Variants in FNTA observed in about 807,000 individuals in gnomAD.
FNTA encodes protein farnesyltransferase/geranylgeranyltransferase type-1 subunit alpha.
A neutral mutation model predicts 55.2 loss-of-function variants in FNTA; 27 were observed. The ratio of observed to expected loss-of-function variants is 0.49; its 90% CI spans 0.36 to 0.67. The LOEUF (loss-of-function observed/expected upper bound fraction) is 0.67. Among genes scored for constraint, FNTA ranks in the 30% least tolerant of loss-of-function variants. The pLI, the probability that FNTA is intolerant of heterozygous loss-of-function variation, is 0.00. For synonymous variants in FNTA, 176 were observed against 170.7 expected (o/e 1.03, Z -0.24); for missense variants, 422 against 464.7 (o/e 0.91, Z 0.85).
intron 2 of FNTA, among the ~76,000 whole-genome samples, chr8:43,062,977 C>G (rs757611824): frequency 1.3e-5 from 2 of 152,140 alleles, no homozygotes; most frequent in Non-Finnish European, 2.9e-5. Context: ...GAGACAGGCT[C>G]TCACTATGTT....
intron 2 of FNTA, among the ~76,000 whole-genome samples, chr8:43,062,542 A>G (rs1343517912): frequency 6.6e-6 from 1 of 152,082 alleles, no homozygotes; most frequent in African/African-American, 2.4e-5. Context: ...TCGGCCTCCC[A>G]AGGTGCTGAG....
chr8:43,067,891 G>C (rs1346302353), intron 3 of FNTA, among the ~76,000 whole-genome samples: 1 of 151,552 alleles, frequency 6.6e-6, no homozygotes, highest in South Asian at 2.1e-4. Context: ...AGCTAGTTTT[G>C]TATTTTTGTT....
At chr8:43,064,800 T>C (rs1032365415) in intron 3 of FNTA, among the ~76,000 whole-genome samples, 17 of 151,888 alleles carry the variant, frequency 1.1e-4, no homozygotes, top group African/African-American at 3.1e-4. Flanking sequence ...TTAACTGTTA[T>C]TATTTTTTCA....
rs1811100745 is a variant in FNTA, at chr8:43,085,151, C to T, written c.1018-9C>T. 2 of 1,522,228 alleles carry T rather than the reference C, an allele frequency of 1.3e-6. No homozygotes were observed. The highest frequency in any genetic ancestry group is 2.1e-5 in the Admixed American group (1 of 47,104). 94.3% of individuals were successfully genotyped at this position (1,522,228 alleles called of 1,614,324 possible). On this transcript the variant is annotated splice_polypyrimidine_tract_variant and intron_variant, in intron 8 of 8. Coordinates refer to ENST00000302279, the MANE Select transcript of FNTA (RefSeq NM_002027.3). Reference sequence around the variant, plus strand: ...ACATATTACTTTAATTTTTATTTTTCATTTTCAGTTATGTGAAATCCTAGC... The same window carrying T: ...ACATATTACTTTAATTTTTATTTTTTATTTTCAGTTATGTGAAATCCTAGC...
rs184550948 is a variant in FNTA at position 43,083,638 on chromosome 8, C to T, written c.845+458C>T. Among the ~76,000 whole-genome samples, 418 of 152,318 alleles carry T rather than the reference C, an allele frequency of 2.7e-3. 1 individual carries two copies. Among genetic ancestry groups the T allele is most frequent in the Middle Eastern group, 0.02 (6 of 294 alleles). ...TTCACTTGCCTGGCCACTGACGTAA[C>T]TAAGCTCCTTGTTGAACATAAGAGG... On this transcript the variant is annotated intron_variant, in intron 7 of 8. Coordinates refer to ENST00000302279, the MANE Select transcript of FNTA (RefSeq NM_002027.3).
intron 3 of FNTA, among the ~76,000 whole-genome samples, chr8:43,065,541 A>ATCGTT (rs1810635823): frequency 7.5e-5 from 11 of 147,194 alleles, no homozygotes; most frequent in African/African-American, 3.0e-4. Flanking sequence ...GCCACTGTGC[A>ATCGTT]CGGCTGCTGA....
At chr8:43,080,481 C>G (rs1199258952) in intron 6 of FNTA, 1 of 152,098 alleles carries the variant, frequency 6.6e-6, no homozygotes. Context: ...CTATTGCATA[C>G]TAGACTACAA....
chr8:43,083,187 GGTT>G lies in FNTA; in HGVS notation c.845+11_845+13del. 6.4e-7 allele frequency: 1 copy of G among 1,565,116 alleles called. No homozygotes were observed. The highest frequency in any genetic ancestry group is 2.3e-5 in the East Asian group (1 of 44,268). On this transcript the variant is annotated splice_region_variant and intron_variant, in intron 7 of 8. Transcript: ENST00000302279. ...CATGGAACTATTTGAAAGGGTAAGAGGTTGTTTTTGCTTTTTTTATATATAAAA... is the reference window on the plus strand; with the variant it reads ...CATGGAACTATTTGAAAGGGTAAGAGGTTTTTGCTTTTTTTATATATAAAA...
intron 5 of FNTA, 31 bp downstream of exon 5, chr8:43,072,338 A>ATT: frequency 1.3e-5 from 17 of 1,352,898 alleles, no homozygotes; most frequent in South Asian, 4.5e-5. Context: ...TGTTTTTCAG[A>ATT]TTTTTTTTTT....
intron 5 of FNTA, among the ~76,000 whole-genome samples, chr8:43,075,856 A>C (rs1342284243): frequency 6.6e-6 from 1 of 150,984 alleles, no homozygotes; most frequent in Non-Finnish European, 1.5e-5. Flanking sequence ...CCAATTGTGT[A>C]TATTTCTTTT....
chr8:43,077,448 C>G, intron 6 of FNTA, 84 bp downstream of exon 6: 1 of 1,049,594 alleles, frequency 9.5e-7, no homozygotes, highest in East Asian at 2.5e-5. Flanking sequence ...TACAGCAGAT[C>G]AAGATCCTAC....
rs1810739435 is a variant in FNTA, at chr8:43,069,597, A to G, written c.444A>G (p.Leu148=). 1.2e-6 allele frequency: 2 copies of G among 1,613,732 alleles called. No individual in the cohort carries two copies. Among genetic ancestry groups the G allele is most frequent in the Non-Finnish European group, 1.7e-6 (2 of 1,179,662 alleles). The change falls in exon 4 of 9, where the codon CTA becomes CTG. Residue 148 remains leucine (L), a synonymous_variant. Transcript: ENST00000302279. ...TTTTGAAGTCACTTCAGAAGGATCTACATGAGGAAATGAACTACATCACTG... is the reference window on the plus strand; with the variant it reads ...TTTTGAAGTCACTTCAGAAGGATCTGCATGAGGAAATGAACTACATCACTG... ...RVLLKSLQKD[L]HEEMNYITAI...
chr8:43,084,778 G>A lies in FNTA; in HGVS notation c.914G>A (p.Ser305Asn). Reference protein sequence around the residue: ...LLNQLLDLQPSHSSPYLIAFL... With the variant: ...LLNQLLDLQPNHSSPYLIAFL... ...AATCAATTACTTGATTTACAACCAA[G>A]TCATAGTTCCCCCTACCTAATTGCC... is the stretch of plus-strand genomic sequence containing the variant. Residue 305 changes from serine to asparagine, a missense_variant, in exon 8 of 9, where the codon AGT becomes AAT. By Grantham distance (46) the Ser-to-Asn change is conservative. Transcript: ENST00000302279. 2 of 1,613,454 alleles carry A rather than the reference G, an allele frequency of 1.2e-6. No homozygotes were observed. The highest frequency in any genetic ancestry group is 1.7e-6 in the Non-Finnish European group (2 of 1,179,456).
intron 2 of FNTA, among the ~76,000 whole-genome samples, chr8:43,062,166 A>G (rs1182589803): frequency 3.7e-5 from 4 of 109,336 alleles, no homozygotes; most frequent in Non-Finnish European, 8.0e-5. Context: ...GCATATGTGT[A>G]TGTTTTATGT....
chr8:43,063,588 C>T (rs1810586731), intron 2 of FNTA, among the ~76,000 whole-genome samples: 1 of 151,896 alleles, frequency 6.6e-6, no homozygotes, highest in South Asian at 2.1e-4. Flanking sequence ...TGGAATTAGG[C>T]TATATACTTG....
chr8:43,072,135 C>T, intron 4 of FNTA, 46 bp from the exon 5 acceptor site: 1 of 1,388,548 alleles, frequency 7.2e-7, no homozygotes, highest in Non-Finnish European at 9.5e-7. Flanking sequence ...TATTTTAGTT[C>T]ATGGGTAAAT....
Position 43,077,228 on chromosome 8 carries a change from T to A in FNTA, c.646T>A (p.Trp216Arg). 6.3e-7 allele frequency: 1 copy of A among 1,581,646 alleles called. No individual in the cohort carries two copies. Among genetic ancestry groups the A allele is most frequent in the Non-Finnish European group, 8.6e-7 (1 of 1,162,048 alleles). Residue 216 changes from tryptophan (W) to arginine (R), a missense_variant, in exon 6 of 9, where the codon TGG becomes AGG. Transcript: ENST00000302279. ...RQWVIQEFKL[W>R]DNELQYVDQL... ...ATTTTTCCTTTAGGAATTTAAACTT[T>A]GGGATAATGAGCTGCAGTATGTGGA...
intron 6 of FNTA, chr8:43,081,872 T>C (rs1811033539): frequency 6.6e-6 from 1 of 152,164 alleles, no homozygotes; most frequent in Non-Finnish European, 1.5e-5. Flanking sequence ...CTAAAGTTCA[T>C]GTTTTAACCA....
At chr8:43,076,298 C>T (rs532396646) in intron 5 of FNTA, among the ~76,000 whole-genome samples, 6 of 152,192 alleles carry the variant, frequency 3.9e-5, no homozygotes, top group African/African-American at 1.4e-4. Context: ...CCCACCTCGA[C>T]CTCCCAAAGT....
Sources: allele counts gnomAD v4.1 joint callset (sites outside exome capture counted in the v4.1 genomes callset), GRCh38; gene constraint gnomAD v4.1.1; transcripts MANE v1.5; gene names NCBI Gene and HGNC (gene_info 2026-07-23, HGNC 2026-07-21).